BYSL: variants seen among roughly 807,000 people sequenced by gnomAD.
The protein encoded by BYSL is bystin like.
Under a neutral mutation model 45.4 loss-of-function variants are expected in BYSL, and 21 were observed. The ratio of observed to expected loss-of-function variants is 0.46; its 90% CI spans 0.33 to 0.67. The LOEUF is 0.67. BYSL is among the 30% of genes least tolerant of loss of function. The probability of loss-of-function intolerance (pLI) is 0.02; values close to 1 mark genes in which losing one functional copy is unlikely to be tolerated. For synonymous variants in BYSL, 215 were observed against 231.3 expected (o/e 0.93, Z 0.64); for missense variants, 522 against 578.5 (o/e 0.90, Z 1.00).
At chr6:41,918,968 A>T (rs1177044846), upstream of BYSL, among the ~76,000 whole-genome samples, 4 of 146,998 alleles carry the variant, frequency 2.7e-5, no homozygotes, top group Non-Finnish European at 6.0e-5. Flanking sequence ...AAAAAAAAAA[A>T]ATACAAAAAA....
intron 2 of BYSL, among the ~76,000 whole-genome samples, chr6:41,928,064 G>A (rs193229026): frequency 6.2e-4 from 95 of 152,268 alleles, no homozygotes; most frequent in African/African-American, 2.2e-3. Flanking sequence ...AACCAAAAAT[G>A]ACATCAGACA....
At chr6:41,909,656 G>A in the BYSL span, 2 of 1,324,348 alleles carry the variant, frequency 1.5e-6, no homozygotes, top group African/African-American at 1.5e-5. Context: ...TTGGGGGTGA[G>A]GGGAATCCTC....
upstream of BYSL, chr6:41,918,059 A>G (rs1775360900): frequency 4.5e-5 from 12 of 264,030 alleles, no homozygotes; most frequent in South Asian, 4.0e-4. Context: ...ATGGTGAGTG[A>G]ACCTCTTATG....
At chr6:41,925,658 C>T (rs988677079) in intron 1 of BYSL, among the ~76,000 whole-genome samples, 3 of 150,672 alleles carry the variant, frequency 2.0e-5, no homozygotes, top group Non-Finnish European at 4.4e-5. Context: ...CCACCGCGCC[C>T]GGCCTATTTA....
chr6:41,927,567 T>C, intron 2 of BYSL, 31 bp downstream of exon 2: 1 of 1,606,330 alleles, frequency 6.2e-7, no homozygotes, highest in Non-Finnish European at 8.5e-7. Context: ...TAATGAGTCC[T>C]TGTAGAAAGT....
upstream of BYSL, chr6:41,917,876 G>C (rs1266895514): frequency 2.3e-6 from 1 of 429,634 alleles, no homozygotes; most frequent in Non-Finnish European, 5.0e-6. Context: ...ACTGTTGTTA[G>C]AGAACATTTC....
upstream of BYSL, chr6:41,917,541 C>T (rs1305304133): frequency 3.3e-6 from 1 of 303,170 alleles, no homozygotes; most frequent in African/African-American, 2.2e-5. Flanking sequence ...ATTGTAAAGA[C>T]AAGGAATAGA....
At chr6:41,916,301 C>T in the BYSL span, among the ~76,000 whole-genome samples, 2 of 148,350 alleles carry the variant, frequency 1.3e-5, no homozygotes, top group African/African-American at 2.6e-5. Context: ...ATAAAGTGGC[C>T]GGGCACAGTG....
Position 41,931,545 on chromosome 6 carries a change from C to G in BYSL, c.854C>G (p.Ala285Gly). Residue 285 changes from alanine (A) to glycine (G), a missense_variant, in exon 5 of 7, where the codon GCC becomes GGC. By Grantham distance (60) the Ala-to-Gly change is moderately conservative. Coordinates refer to ENST00000230340, the MANE Select transcript of BYSL (RefSeq NM_004053.4). ...AAGAAGGCCCTTTTCAAACCTGGAG[C>G]CTGGTTCAAAGGTGGGATCCCAGAG... is the stretch of plus-strand genomic sequence containing the variant. ...ALKKALFKPG[A>G]WFKGILIPLC... is the part of the protein sequence containing the mutation. The G allele has an allele frequency of 6.2e-7, 1 of 1,614,168 alleles. No individual in the cohort carries two copies. Among genetic ancestry groups the G allele is most frequent in the Admixed American group, 1.7e-5 (1 of 60,016 alleles).
chr6:41,914,981 T>G, the BYSL span, among the ~76,000 whole-genome samples: 1 of 152,206 alleles, frequency 6.6e-6, no homozygotes, highest in Non-Finnish European at 1.5e-5. Context: ...GTCTGGATTG[T>G]TAAATGTAGA....
chr6:41,922,349 G>A (rs1005716807), intron 1 of BYSL, among the ~76,000 whole-genome samples: 2 of 152,238 alleles, frequency 1.3e-5, no homozygotes, highest in African/African-American at 4.8e-5. Flanking sequence ...AAACGAATGG[G>A]AAGTGTTATG....
intron 1 of BYSL, among the ~76,000 whole-genome samples, chr6:41,922,697 T>G (rs1246371837): frequency 6.6e-6 from 1 of 152,220 alleles, no homozygotes; most frequent in African/African-American, 2.4e-5. Context: ...CTTGAGTGAC[T>G]ACTCCTAACT....
chr6:41,917,030 G>A, upstream of BYSL: 1 of 1,354,080 alleles, frequency 7.4e-7, no homozygotes, highest in East Asian at 2.3e-5. Context: ...CAGCTCATCA[G>A]GGCCAAAAGT....
the BYSL span, chr6:41,909,173 CA>C: frequency 0.078 from 95,016 of 1,223,302 alleles, 295 homozygotes; most frequent in South Asian, 0.15. Flanking sequence ...GACTCTGTCT[CA>C]AAAAAAAAAA....
Position 41,931,379 on chromosome 6 carries a change from C to A in BYSL, c.705-17C>A. On this transcript the variant is annotated splice_polypyrimidine_tract_variant and intron_variant, in intron 4 of 6. Transcript: ENST00000230340. ...TGTCGTGTGAGTTGGAAACTTCCCC[C>A]GCTTAACTCCCACTAGGATTTTTGC... The A allele has an allele frequency of 6.2e-7, 1 of 1,613,800 alleles. No individual in the cohort carries two copies. Among genetic ancestry groups the A allele is most frequent in the Non-Finnish European group, 8.5e-7 (1 of 1,179,746 alleles).
At chr6:41,930,823 G>T in intron 4 of BYSL, 55 bp downstream of exon 4, 1 of 1,569,082 alleles carries the variant, frequency 6.4e-7, no homozygotes. Flanking sequence ...GCTGAGTTTG[G>T]GACGGACAGG....
Position 41,927,548 on chromosome 6 carries a change from G to T in BYSL, c.431+12G>T. ...AACCCTCCTGCCAGGTAGGCCTGGG[G>T]ATTTGGGATAATGAGTCCTTGTAGA... On this transcript the variant is annotated intron_variant, in intron 2 of 6. Transcript: ENST00000230340. 1 of 1,613,172 alleles carries T rather than the reference G, an allele frequency of 6.2e-7. No homozygotes were observed. Among genetic ancestry groups the T allele is most frequent in the African/African-American group, 1.3e-5 (1 of 75,038 alleles).
At chr6:41,920,783 CAAA>C, upstream of BYSL, 1 of 501,220 alleles carries the variant, frequency 2.0e-6, no homozygotes, top group Non-Finnish European at 3.4e-6. Context: ...AAAAACAAAA[CAAA>C]ACAAAAAAAA....
chr6:41,919,077 C>T (rs1170547697), upstream of BYSL, among the ~76,000 whole-genome samples: 5 of 143,178 alleles, frequency 3.5e-5, no homozygotes, highest in African/African-American at 2.6e-5. Context: ...TGCAGTGAGC[C>T]GAGATCACGC....
Sources: allele counts gnomAD v4.1 joint callset (sites outside exome capture counted in the v4.1 genomes callset), GRCh38; gene constraint gnomAD v4.1.1; transcripts MANE v1.5; gene names NCBI Gene and HGNC (gene_info 2026-07-23, HGNC 2026-07-21).